Variants in DCC observed in about 807,000 individuals in gnomAD.
DCC encodes the protein netrin receptor DCC.
DCC carries 58 observed loss-of-function variants against 172.5 expected under a neutral mutation model. That is an observed-to-expected ratio of 0.34 (90% CI 0.27 to 0.42). DCC has a LOEUF of 0.42. Ranked by LOEUF, DCC falls within the 10% of genes least tolerant of loss-of-function variation. The probability of loss-of-function intolerance (pLI) is 1.00; values close to 1 mark genes in which losing one functional copy is unlikely to be tolerated. For missense variants in DCC, 1,740 were observed against 1,791.0 expected (o/e 0.97, Z 0.51); for synonymous variants, 709 against 644.5 (o/e 1.10, Z -1.52).
chr18:52,796,129 A>G (rs1167122994), intron 2 of DCC, among the ~76,000 whole-genome samples: 2 of 142,904 alleles, frequency 1.4e-5, no homozygotes, highest in Admixed American at 7.2e-5. Flanking sequence ...CTTTAAATCT[A>G]TATCGGTCTT....
intron 1 of DCC, among the ~76,000 whole-genome samples, chr18:52,446,127 G>A (rs1988115419): frequency 6.6e-6 from 1 of 152,082 alleles, no homozygotes; most frequent in Admixed American, 6.5e-5. Context: ...TAGAGACGGG[G>A]TTTCACCGTG....
intron 12 of DCC, among the ~76,000 whole-genome samples, chr18:53,227,031 C>T (rs1403497245): frequency 6.8e-6 from 1 of 146,378 alleles, no homozygotes. Flanking sequence ...CTCAGTGCAA[C>T]CTCTGCCTCC....
At chr18:52,711,941 A>T (rs2036298952) in intron 1 of DCC, among the ~76,000 whole-genome samples, 1 of 151,916 alleles carries the variant, frequency 6.6e-6, no homozygotes, top group Non-Finnish European at 1.5e-5. Context: ...CTATAAAAGC[A>T]TCAAGGTAAA....
At chr18:53,470,329 C>T (rs552002907) in intron 25 of DCC, among the ~76,000 whole-genome samples, 1 of 152,098 alleles carries the variant, frequency 6.6e-6, no homozygotes, top group African/African-American at 2.4e-5. Context: ...CATCTGAGGA[C>T]ACCTCAGCCT....
At chr18:52,416,480 G>T (rs1403547043) in intron 1 of DCC, among the ~76,000 whole-genome samples, 1 of 151,816 alleles carries the variant, frequency 6.6e-6, no homozygotes, top group Non-Finnish European at 1.5e-5. Flanking sequence ...GGGTGTTAAA[G>T]TCTCCCATTA....
At chr18:52,817,380 AAT>A (rs1421018074) in intron 2 of DCC, among the ~76,000 whole-genome samples, 1 of 152,066 alleles carries the variant, frequency 6.6e-6, no homozygotes, top group East Asian at 1.9e-4. Context: ...AAACTCTGAG[AAT>A]ATGATTTTAA....
chr18:52,911,266 G>A (rs948612234), intron 3 of DCC, among the ~76,000 whole-genome samples: 10 of 151,998 alleles, frequency 6.6e-5, no homozygotes, highest in African/African-American at 2.4e-4. Flanking sequence ...GCAAATTCAG[G>A]TACACAATTC....
intron 12 of DCC, among the ~76,000 whole-genome samples, chr18:53,280,442 T>A (rs2056857622): frequency 6.6e-6 from 1 of 152,138 alleles, no homozygotes; most frequent in Non-Finnish European, 1.5e-5. Context: ...CAATCTCCAA[T>A]CTTGTTCCTA....
At chr18:53,018,699 T>G (rs769926127) in intron 5 of DCC, among the ~76,000 whole-genome samples, 12 of 152,100 alleles carry the variant, frequency 7.9e-5, no homozygotes, top group Non-Finnish European at 1.2e-4. Context: ...AATGTACAAA[T>G]GAATAGATGA....
chr18:53,216,487 A>AT, intron 12 of DCC, among the ~76,000 whole-genome samples: 1 of 152,276 alleles, frequency 6.6e-6, no homozygotes, highest in Middle Eastern at 3.4e-3. Flanking sequence ...AAAGTTTTCA[A>AT]CCTTAGCAAA....
chr18:53,067,333 C>T (rs1417757027), intron 7 of DCC, among the ~76,000 whole-genome samples: 2 of 151,816 alleles, frequency 1.3e-5, no homozygotes, highest in Non-Finnish European at 2.9e-5. Flanking sequence ...CCAATCTGGA[C>T]AACATGGCAA....
intron 7 of DCC, among the ~76,000 whole-genome samples, chr18:53,100,517 C>A (rs1441936868): frequency 1.3e-5 from 2 of 149,576 alleles, no homozygotes; most frequent in South Asian, 2.1e-4. Context: ...AGAACGAGGA[C>A]AATAGGTACA....
chr18:53,000,316 A>G (rs2041544271), intron 5 of DCC, among the ~76,000 whole-genome samples: 1 of 152,066 alleles, frequency 6.6e-6, no homozygotes, highest in African/African-American at 2.4e-5. Context: ...GTGCCCCTTG[A>G]TGATGCTTCT....
At chr18:52,479,583 C>A (rs58924824) in intron 1 of DCC, among the ~76,000 whole-genome samples, 50 of 139,876 alleles carry the variant, frequency 3.6e-4, no homozygotes, top group African/African-American at 1.1e-3. Context: ...TCCCTCCACC[C>A]CCCCCCCGTC....
chr18:53,272,173 CT>C (rs2056756670), intron 12 of DCC, among the ~76,000 whole-genome samples: 1 of 152,008 alleles, frequency 6.6e-6, no homozygotes, highest in Admixed American at 6.6e-5. Flanking sequence ...GATCTGAGTC[CT>C]TTTAGTACAT....
At chr18:53,023,069 T>G (rs2041903645) in intron 5 of DCC, among the ~76,000 whole-genome samples, 1 of 152,076 alleles carries the variant, frequency 6.6e-6, no homozygotes, top group African/African-American at 2.4e-5. Context: ...ATCCCTACAT[T>G]TGAAGAGTCC....
chr18:53,455,057 C>T (rs941735872), intron 23 of DCC, among the ~76,000 whole-genome samples: 2 of 152,150 alleles, frequency 1.3e-5, no homozygotes, highest in Non-Finnish European at 2.9e-5. Context: ...GGAAAGAAAG[C>T]AGAGAAATGT....
intron 11 of DCC, among the ~76,000 whole-genome samples, chr18:53,209,899 T>C (rs1223632529): frequency 1.3e-5 from 2 of 152,250 alleles, no homozygotes; most frequent in African/African-American, 2.4e-5. Context: ...TATTATTCAT[T>C]AGTCCAAGAA....
chr18:53,441,982 C>T (rs542613293), intron 22 of DCC, among the ~76,000 whole-genome samples: 32 of 152,214 alleles, frequency 2.1e-4, no homozygotes, highest in Non-Finnish European at 3.8e-4. Flanking sequence ...GGGCTGCTCT[C>T]AGTTCTGTTT....
Sources: gnomAD v4.1 joint callset for allele counts (sites outside exome capture counted in the v4.1 genomes callset) on GRCh38, gnomAD v4.1.1 for gene constraint, MANE v1.5 for transcripts, NCBI Gene and HGNC (gene_info 2026-07-23, HGNC 2026-07-21) for gene names.